CRYBG1: variants seen among roughly 807,000 people sequenced by gnomAD.
CRYBG1 encodes the protein beta/gamma crystallin domain-containing protein 1.
In CRYBG1, 139 loss-of-function variants were observed where a neutral mutation model predicts 189.2. That is an observed-to-expected ratio of 0.73 (90% CI 0.64 to 0.85). CRYBG1 has a LOEUF of 0.85. CRYBG1 is among the 40% of genes least tolerant of loss of function. The pLI, the probability that CRYBG1 is intolerant of heterozygous loss-of-function variation, is 0.00. For missense variants in CRYBG1, 2,611 were observed against 2,675.8 expected, an observed-to-expected ratio of 0.98 and a Z score of 0.53; for synonymous variants, 1,023 against 1,017.1, an observed-to-expected ratio of 1.01 and a Z score of -0.11.
rs765458247 is a variant in CRYBG1, at chr6:106,512,296, G to A, written c.1179G>A (p.Pro393=). The change falls in exon 3 of 22, where the codon CCG becomes CCA. Residue 393 remains proline, a synonymous_variant. Transcript: ENST00000633556. ...CTGAGGGGGCACAAGTGGACGAGCC[G>A]GTCGTGATTACTCCCAGAGCGGAAG... ...SKTEGAQVDE[P]VVITPRAEDC... The A allele has an allele frequency of 1.9e-6, 3 of 1,589,784 alleles. No individual in the cohort carries two copies. Among genetic ancestry groups the A allele is most frequent in the Middle Eastern group, 1.7e-4 (1 of 6,034 alleles).
chr6:106,552,278 TTA>T, intron 15 of CRYBG1, 62 bp downstream of exon 15: 1 of 1,215,744 alleles, frequency 8.2e-7, no homozygotes. Context: ...AAAGCTGAAC[TTA>T]TGTTTCAAAT....
intron 4 of CRYBG1, among the ~76,000 whole-genome samples, chr6:106,524,362 A>G (rs1582817426): frequency 6.6e-6 from 1 of 152,026 alleles, no homozygotes. Context: ...AGAGATCGAG[A>G]CCATCCTAGC....
intron 4 of CRYBG1, among the ~76,000 whole-genome samples, chr6:106,522,793 T>C (rs1773640257): frequency 6.6e-6 from 1 of 152,214 alleles, no homozygotes; most frequent in Non-Finnish European, 1.5e-5. Flanking sequence ...ACTACAATCC[T>C]GTCAGAGAAT....
At chr6:106,464,078 G>C (rs1772064839) in intron 2 of CRYBG1, among the ~76,000 whole-genome samples, 1 of 152,182 alleles carries the variant, frequency 6.6e-6, no homozygotes, top group Non-Finnish European at 1.5e-5. Context: ...TGTGGTTGTG[G>C]GACAGCTCTC....
intron 2 of CRYBG1, among the ~76,000 whole-genome samples, chr6:106,482,482 T>C (rs1334269889): frequency 6.6e-6 from 1 of 152,090 alleles, no homozygotes; most frequent in Non-Finnish European, 1.5e-5. Context: ...GGAGTCATCT[T>C]AGAATTCTTC....
In CRYBG1 at chr6:106,451,728, C is replaced by T. The variant is rs1407367488; in HGVS notation, c.208C>T (p.Arg70Ter). Residue 70 changes from arginine (R) to a stop codon, truncating the protein, a stop_gained, in exon 2 of 22, where the codon CGA (arginine) becomes TGA (stop). Transcript: ENST00000633556. LOFTEE classifies it high-confidence loss of function. ...LDVVDGKYVV[R>*]DSQEFPLHCG... ...TGTAGTCGATGGAAAATATGTGGTT[C>T]GAGACTCCCAGGAATTTCCACTGCA... is the stretch of plus-strand genomic sequence containing the variant. 28 of 1,534,042 alleles carry T rather than the reference C, an allele frequency of 1.8e-5. No homozygotes were observed. Among genetic ancestry groups the T allele is most frequent in the African/African-American group, 2.7e-5 (2 of 72,938 alleles).
chr6:106,385,931 G>A (rs1260400485), intron 1 of CRYBG1, among the ~76,000 whole-genome samples: 1 of 152,168 alleles, frequency 6.6e-6, no homozygotes, highest in Admixed American at 6.6e-5. Context: ...CCCATTTGAT[G>A]ATGTGATGGC....
Position 106,555,752 on chromosome 6 carries a change from G to C in CRYBG1, c.5586-16G>C. On this transcript the variant is annotated splice_polypyrimidine_tract_variant and intron_variant, in intron 16 of 21. Transcript: ENST00000633556. ...GTTGCATATTCTGTGCATGTGTGTG[G>C]TTTTTCCCATTGTAGCTGGGTTGTA... 1 of 1,613,948 alleles carries C rather than the reference G, an allele frequency of 6.2e-7. No individual in the cohort carries two copies. The highest frequency in any genetic ancestry group is 8.5e-7 in the Non-Finnish European group (1 of 1,179,914).
chr6:106,518,780 C>T (rs1423420129), intron 3 of CRYBG1, among the ~76,000 whole-genome samples: 1 of 151,816 alleles, frequency 6.6e-6, no homozygotes, highest in Non-Finnish European at 1.5e-5. Context: ...TGACATAGAC[C>T]CCATTCTACA....
At chr6:106,423,831 A>G (rs1484508587) in intron 1 of CRYBG1, among the ~76,000 whole-genome samples, 2 of 149,194 alleles carry the variant, frequency 1.3e-5, no homozygotes, top group South Asian at 2.1e-4. Flanking sequence ...TCAGCCCCTC[A>G]GTGGCTGGAA....
rs746845033 is a variant in CRYBG1, at chr6:106,512,924, C to G, written c.1807C>G (p.Arg603Gly). 4 of 1,608,048 alleles carry G rather than the reference C, an allele frequency of 2.5e-6. No homozygotes were observed. Among genetic ancestry groups the G allele is most frequent in the East Asian group, 4.5e-5 (2 of 44,664 alleles). ...CTTCAACGGCCGGGCAGAGGGAGGT[C>G]GAAGCAGAGAGCTGGGCAGAGCGGC... is the stretch of plus-strand genomic sequence containing the variant. ...NHFNGRAEGG[R>G]SRELGRAAGA... is the part of the protein sequence containing the mutation. The change falls in exon 3 of 22, where the codon CGA becomes GGA. Residue 603 changes from arginine (R) to glycine (G), a missense_variant. Arg to Gly is a moderately radical substitution (Grantham distance 125). This residue lies in a region of CRYBG1 where 985 missense variants were observed against 924.4 expected (regional missense o/e 1.07). Transcript: ENST00000633556.
chr6:106,402,912 AT>A (rs1438762171), intron 1 of CRYBG1, among the ~76,000 whole-genome samples: 1 of 152,178 alleles, frequency 6.6e-6, no homozygotes, highest in Non-Finnish European at 1.5e-5. Flanking sequence ...CACATGCTGG[AT>A]TTAAGGACTG....
At chr6:106,517,960 AGTG>A (rs1186832637) in intron 3 of CRYBG1, among the ~76,000 whole-genome samples, 1 of 152,196 alleles carries the variant, frequency 6.6e-6, no homozygotes, top group African/African-American at 2.4e-5. Context: ...TTGCCCAAGA[AGTG>A]GTGACAAAAC....
chr6:106,421,321 A>G (rs970645027), intron 1 of CRYBG1, among the ~76,000 whole-genome samples: 2 of 152,222 alleles, frequency 1.3e-5, no homozygotes, highest in Non-Finnish European at 2.9e-5. Flanking sequence ...TGGGAATAGA[A>G]GAGTGGAAAG....
intron 1 of CRYBG1, among the ~76,000 whole-genome samples, chr6:106,412,943 TAAAAAAA>T (rs565658964): frequency 8.4e-6 from 1 of 118,848 alleles, no homozygotes; most frequent in Non-Finnish European, 1.8e-5. Flanking sequence ...ACAAATTCTT[TAAAAAAA>T]AAAAAAAAAA....
At chr6:106,480,555 T>C (rs193222056) in intron 2 of CRYBG1, among the ~76,000 whole-genome samples, 12 of 151,080 alleles carry the variant, frequency 7.9e-5, no homozygotes, top group Admixed American at 7.9e-4. Context: ...TAGTCCCAGC[T>C]ACTTAGCAGG....
intron 2 of CRYBG1, among the ~76,000 whole-genome samples, chr6:106,498,565 A>G (rs911376968): frequency 1.3e-5 from 2 of 152,214 alleles, no homozygotes; most frequent in African/African-American, 4.8e-5. Flanking sequence ...GTGGTATATC[A>G]GCATAATGGA....
intron 1 of CRYBG1, among the ~76,000 whole-genome samples, chr6:106,386,756 G>A (rs1383495427): frequency 6.6e-6 from 1 of 152,226 alleles, no homozygotes; most frequent in Non-Finnish European, 1.5e-5. Flanking sequence ...GGTAATGCAA[G>A]TGATGGAGAT....
Position 106,524,823 on chromosome 6 carries a change from A to T in CRYBG1, c.4246-310A>T, listed in dbSNP as rs533200019. 3.1e-3 allele frequency among the ~76,000 whole-genome samples: 469 copies of T among 152,340 alleles called. 6 individuals carry two copies. Among genetic ancestry groups the T allele is most frequent in the African/African-American group, 0.011 (448 of 41,574 alleles). Reference sequence around the variant, plus strand: ...GATATTATTTGAATTAGAATCTCTTAGCTGAGTTCCTATTCTGTGAACTGA... The same window carrying T: ...GATATTATTTGAATTAGAATCTCTTTGCTGAGTTCCTATTCTGTGAACTGA... On this transcript the variant is annotated intron_variant, in intron 4 of 21. Coordinates refer to ENST00000633556, the MANE Select transcript of CRYBG1 (RefSeq NM_001371242.2).
Sources: allele counts gnomAD v4.1 joint callset (sites outside exome capture counted in the v4.1 genomes callset), GRCh38; gene constraint gnomAD v4.1.1; regional missense constraint gnomAD v4.1.1; transcripts MANE v1.5; gene names NCBI Gene and HGNC (gene_info 2026-07-23, HGNC 2026-07-21).